The following KITLG variants were observed in gnomAD, a reference collection of about 807,000 sequenced individuals.
The protein encoded by KITLG is KIT ligand.
KITLG carries 13 observed loss-of-function variants against 34.1 expected under a neutral mutation model. The observed-to-expected ratio is 0.38, with a 90% CI of 0.25 to 0.61. KITLG has a LOEUF of 0.61. Ranked by LOEUF, KITLG falls within the 20% of genes least tolerant of loss-of-function variation. KITLG has a pLI of 0.60. For synonymous variants in KITLG, 110 were observed against 104.0 expected, an observed-to-expected ratio of 1.06 and a Z score of -0.35; for missense variants, 292 against 318.9, an observed-to-expected ratio of 0.92 and a Z score of 0.64.
chr12:88,521,208 G>C (rs1324876205), intron 3 of KITLG, among the ~76,000 whole-genome samples: 1 of 152,094 alleles, frequency 6.6e-6, no homozygotes, highest in Non-Finnish European at 1.5e-5. Context: ...GTTTATTAAA[G>C]ATAAAATGAA....
At chr12:88,524,108 T>C (rs1042879115) in intron 3 of KITLG, among the ~76,000 whole-genome samples, 2 of 152,198 alleles carry the variant, frequency 1.3e-5, no homozygotes, top group African/African-American at 4.8e-5. Context: ...AGGCAAGTCA[T>C]TTAATCTATT....
intron 9 of KITLG, among the ~76,000 whole-genome samples, chr12:88,500,355 G>A (rs1868804919): frequency 6.6e-6 from 1 of 152,288 alleles, no homozygotes; most frequent in African/African-American, 2.4e-5. Flanking sequence ...TTCACAACTT[G>A]TATGAACATA....
intron 1 of KITLG, among the ~76,000 whole-genome samples, chr12:88,577,865 A>C (rs1247090204): frequency 6.6e-6 from 1 of 152,216 alleles, no homozygotes; most frequent in African/African-American, 2.4e-5. Context: ...GTGTAATTCA[A>C]ATCAAACCCC....
rs1868473157 is a variant in KITLG, at chr12:88,493,150, T to C, written c.*4069A>G. 6.6e-6 allele frequency: 1 copy of C among 152,298 alleles called. No homozygotes were observed. The highest frequency in any genetic ancestry group is 1.9e-4 in the East Asian group (1 of 5,182). The allele number at this position is 152,298 out of a possible 1,614,324, so 9.4% of individuals were successfully genotyped here. A position where few individuals can be genotyped will look rare whatever the true frequency, so the allele number is the denominator to read the frequency against. On this transcript the variant is annotated 3_prime_UTR_variant, in exon 10 of 10. Transcript: ENST00000644744. ...TAATCACATATTAACCCTTAGAATA[T>C]AGAATAGAATATTTTGATTGGAAAA... is the stretch of plus-strand genomic sequence containing the variant.
chr12:88,580,166 C>G, intron 1 of KITLG, 98 bp downstream of exon 1: 2 of 1,300,418 alleles, frequency 1.5e-6, no homozygotes, highest in Non-Finnish European at 2.2e-6. Flanking sequence ...CAGCCCTGCA[C>G]GCCCCAGCTG....
chr12:88,570,445 G>A (rs1161034469), intron 1 of KITLG, among the ~76,000 whole-genome samples: 1 of 151,930 alleles, frequency 6.6e-6, no homozygotes, highest in Non-Finnish European at 1.5e-5. Flanking sequence ...CTCAACCAGA[G>A]GACTCAGCTT....
At chr12:88,556,889 G>T (rs913479279) in intron 1 of KITLG, among the ~76,000 whole-genome samples, 5 of 152,158 alleles carry the variant, frequency 3.3e-5, no homozygotes, top group Non-Finnish European at 5.9e-5. Flanking sequence ...ACTAAAAGAT[G>T]TCAATATGAT....
At chr12:88,543,766 T>G (rs113502828) in intron 2 of KITLG, among the ~76,000 whole-genome samples, 4,355 of 152,296 alleles carry the variant, frequency 0.029, 89 homozygotes, top group Non-Finnish European at 0.044. Context: ...TAAGATAACA[T>G]ACATTAAAAA....
At chr12:88,566,714 A>G (rs1462988498) in intron 1 of KITLG, among the ~76,000 whole-genome samples, 1 of 152,218 alleles carries the variant, frequency 6.6e-6, no homozygotes, top group Non-Finnish European at 1.5e-5. Context: ...AGGACCTTGT[A>G]TAGTGTGCTG....
chr12:88,526,955 AC>A (rs1484694968), intron 3 of KITLG, among the ~76,000 whole-genome samples: 2 of 135,612 alleles, frequency 1.5e-5, no homozygotes, highest in Non-Finnish European at 3.0e-5. Flanking sequence ...TGAAAACTCC[AC>A]CTCCCAGGTT....
intron 1 of KITLG, 80 bp downstream of exon 1, chr12:88,580,184 C>T (rs564788765): frequency 2.8e-4 from 415 of 1,459,626 alleles, no homozygotes; most frequent in Non-Finnish European, 3.7e-4. Context: ...CTGCAAGTCC[C>T]AGGGAGCGCC....
intron 1 of KITLG, among the ~76,000 whole-genome samples, chr12:88,570,909 T>C (rs893122228): frequency 6.6e-6 from 1 of 152,240 alleles, no homozygotes; most frequent in Non-Finnish European, 1.5e-5. Flanking sequence ...CCTTATTCAG[T>C]AAGCTGCTCT....
Position 88,509,372 on chromosome 12 carries a change from A to G in KITLG, c.605-2235T>C, listed in dbSNP as rs1009875876. On this transcript the variant is annotated intron_variant, in intron 6 of 9. Transcript: ENST00000644744. Reference sequence around the variant, plus strand: ...AAAGCAGCTTACTAAAGAGTGAGATATTCTGGAATTTGCTACCTAAAACCT... The same window carrying G: ...AAAGCAGCTTACTAAAGAGTGAGATGTTCTGGAATTTGCTACCTAAAACCT... Among the ~76,000 whole-genome samples the G allele has an allele frequency of 1.5e-4, 23 of 152,318 alleles. 1 individual carries two copies. The highest frequency in any genetic ancestry group is 6.8e-3 in the Middle Eastern group (2 of 294).
chr12:88,521,898 T>G (rs1409059788), intron 3 of KITLG, among the ~76,000 whole-genome samples: 1 of 152,156 alleles, frequency 6.6e-6, no homozygotes, highest in African/African-American at 2.4e-5. Context: ...TCTATCCCTA[T>G]GTACTTATAA....
intron 4 of KITLG, 142 bp downstream of exon 4, chr12:88,518,555 C>T (rs1042467174): frequency 3.0e-6 from 2 of 666,830 alleles, no homozygotes; most frequent in East Asian, 2.7e-5. Context: ...TTTCTTTGCT[C>T]ATCTGAACAA....
Position 88,515,533 on chromosome 12 carries a change from C to T in KITLG, c.604+1G>A. The stretch of plus-strand genomic sequence containing the variant: ...GCATTAAATCAGATATATGTACTTA[C>T]TATTACTGCTACTGCTGTCATTCCT... On this transcript the variant is annotated splice_donor_variant, in intron 6 of 9. Transcript: ENST00000644744. LOFTEE classifies it high-confidence loss of function. 6.3e-7 allele frequency: 1 copy of T among 1,597,320 alleles called. No individual in the cohort carries two copies. The highest frequency in any genetic ancestry group is 8.6e-7 in the Non-Finnish European group (1 of 1,165,390).
chr12:88,517,630 T>C (rs1869504166), intron 4 of KITLG, among the ~76,000 whole-genome samples: 2 of 152,176 alleles, frequency 1.3e-5, no homozygotes, highest in South Asian at 4.1e-4. Context: ...CTCTACTTTT[T>C]GTGATCTCTA....
At chr12:88,558,749 T>C (rs1374436591) in intron 1 of KITLG, among the ~76,000 whole-genome samples, 1 of 152,216 alleles carries the variant, frequency 6.6e-6, no homozygotes, top group African/African-American at 2.4e-5. Flanking sequence ...AGCACATCTT[T>C]TAGTAAGCCC....
In KITLG at chr12:88,518,803, T is replaced by C; in HGVS notation, c.257A>G (p.Asp86Gly). ...QLSDSLTDLL[D>G]KFSNISEGLS... ...GCCTTCAGAAATATTTGAAAACTTGTCCAGAAGATCAGTCAAGCTGTCTGA... is the reference window on the plus strand; with the variant it reads ...GCCTTCAGAAATATTTGAAAACTTGCCCAGAAGATCAGTCAAGCTGTCTGA... The change falls in exon 4 of 10, where the codon GAC becomes GGC. Residue 86 changes from aspartate to glycine, a missense_variant. By Grantham distance (94) the Asp-to-Gly change is moderately conservative. Transcript: ENST00000644744. 1 of 1,613,514 alleles carries C rather than the reference T, an allele frequency of 6.2e-7. No individual in the cohort carries two copies. Among genetic ancestry groups the C allele is most frequent in the Non-Finnish European group, 8.5e-7 (1 of 1,179,608 alleles).
Sources: gnomAD v4.1 joint callset for allele counts (sites outside exome capture counted in the v4.1 genomes callset) on GRCh38, gnomAD v4.1.1 for gene constraint, MANE v1.5 for transcripts, NCBI Gene and HGNC (gene_info 2026-07-23, HGNC 2026-07-21) for gene names.